PNLIPRP1: variants seen among roughly 807,000 people sequenced by gnomAD.
The protein encoded by PNLIPRP1 is inactive pancreatic lipase-related protein 1.
PNLIPRP1 carries 57 observed loss-of-function variants against 54.6 expected under a neutral mutation model. The ratio of observed to expected loss-of-function variants is 1.04; its 90% confidence interval spans 0.84 to 1.30. The LOEUF is 1.30. Ranked by LOEUF, PNLIPRP1 falls within the 50% of genes most tolerant of loss-of-function variation. PNLIPRP1 has a pLI of 0.00. For missense variants in PNLIPRP1, 567 were observed against 568.5 expected (o/e 1.00, Z 0.03); for synonymous variants, 232 against 208.8 (o/e 1.11, Z -0.96).
intron 8 of PNLIPRP1, among the ~76,000 whole-genome samples, chr10:116,598,868 C>T (rs1554864362): frequency 1.3e-5 from 2 of 152,206 alleles, no homozygotes; most frequent in Non-Finnish European, 2.9e-5. Flanking sequence ...GGAGAAAACC[C>T]TTAGTAGTCT....
At chr10:116,607,805 T>C (rs1490920997) in intron 12 of PNLIPRP1, among the ~76,000 whole-genome samples, 3 of 152,200 alleles carry the variant, frequency 2.0e-5, no homozygotes, top group African/African-American at 7.2e-5. Flanking sequence ...TGTAAGACTT[T>C]TTACATTTAC....
At position 116,594,876 on chromosome 10, in the gene PNLIPRP1, G is replaced by T. The variant is rs1554863741; in HGVS notation, c.465+12G>T. 1 of 1,613,566 alleles carries T rather than the reference G, an allele frequency of 6.2e-7. No homozygotes were observed. Among genetic ancestry groups the T allele is most frequent in the South Asian group, 1.1e-5 (1 of 90,986 alleles). On this transcript the variant is annotated intron_variant, in intron 5 of 12. Transcript: ENST00000358834. ...TCGACATCCTCTTGGTGAGTCAGCTGGCTGGCCTATGTGAGGAGGGAAGCA... is the reference window on the plus strand; with the variant it reads ...TCGACATCCTCTTGGTGAGTCAGCTTGCTGGCCTATGTGAGGAGGGAAGCA...
rs1847763230 is a variant in PNLIPRP1, at chr10:116,597,839, G to A, written c.586G>A (p.Val196Ile). 6.2e-7 allele frequency: 1 copy of A among 1,614,052 alleles called. No homozygotes were observed. The change falls in exon 7 of 13, where the codon GTA becomes ATA. Residue 196 changes from valine (V) to isoleucine (I), a missense_variant. Coordinates refer to ENST00000358834, the MANE Select transcript of PNLIPRP1 (RefSeq NM_006229.4). ...ATCATCTCTTTTAGGGTTGGATCCT[G>A]TAGAAGCAAGTTTCGAGAGTACTCC... is the stretch of plus-strand genomic sequence containing the variant. The part of the protein sequence containing the change: ...GLSRITGLDP[V>I]EASFESTPEE...
chr10:116,605,314 A>T (rs1020590664), intron 11 of PNLIPRP1, 72 bp from the exon 12 acceptor site: 14 of 782,590 alleles, frequency 1.8e-5, no homozygotes, highest in Non-Finnish European at 9.8e-6. Flanking sequence ...AAGAGAAAAC[A>T]GCAGCCTGGC....
intron 9 of PNLIPRP1, among the ~76,000 whole-genome samples, chr10:116,600,780 CT>C (rs1490527025): frequency 6.6e-6 from 1 of 152,172 alleles, no homozygotes; most frequent in Non-Finnish European, 1.5e-5. Flanking sequence ...TGTCCCAGAG[CT>C]TTTGCTGCTT....
rs973257840 is a variant in PNLIPRP1 at position 116,592,223 on chromosome 10, G to A, written c.205-193G>A. 20 of 673,456 alleles carry A rather than the reference G, an allele frequency of 3.0e-5. No homozygotes were observed. In the African/African-American group the frequency reaches 3.1e-4, roughly 10 times the overall value. The allele number at this position is 673,456 out of a possible 1,614,324, so 41.7% of individuals were successfully genotyped here. ...GGTAAAACCTCAAACCACAATCCAG[G>A]CCTAGTGGAAGCAGTGATTACTCAC... On this transcript the variant is annotated intron_variant, in intron 3 of 12. Transcript: ENST00000358834.
At position 116,594,817 on chromosome 10, in the gene PNLIPRP1, G is replaced by T. The variant is rs781794487; in HGVS notation, c.418G>T (p.Val140Leu). 5 of 1,614,126 alleles carry T rather than the reference G, an allele frequency of 3.1e-6. No homozygotes were observed. Among genetic ancestry groups the T allele is most frequent in the Non-Finnish European group, 4.2e-6 (5 of 1,180,042 alleles). ...CACCTACACACAGGCTGCCAACAAC[G>T]TGCGAGTGGTGGGCGCCCAGGTGGC... The part of the protein sequence containing the change: ...QATYTQAANN[V>L]RVVGAQVAQM... The change falls in exon 5 of 13, where the codon GTG (valine) becomes TTG (leucine). Residue 140 changes from valine to leucine, a missense_variant. By Grantham distance (32) the Val-to-Leu change is conservative. Coordinates refer to ENST00000358834, the MANE Select transcript of PNLIPRP1 (RefSeq NM_006229.4).
chr10:116,600,073 C>G lies in PNLIPRP1; in HGVS notation c.841C>G (p.His281Asp). 1.9e-6 allele frequency: 3 copies of G among 1,613,896 alleles called. No homozygotes were observed. The highest frequency in any genetic ancestry group is 2.5e-6 in the Non-Finnish European group (3 of 1,179,812). ...AACCCGGGACTTTGTGGCTTGCAAT[C>G]ACCTAAGAAGCTACAAGTATTACTT... is the stretch of plus-strand genomic sequence containing the variant. The part of the protein sequence containing the change: ...AGTRDFVACN[H>D]LRSYKYYLES... Residue 281 changes from histidine (H) to aspartate (D), a missense_variant, in exon 9 of 13, where the codon CAC becomes GAC. Transcript: ENST00000358834.
chr10:116,592,026 G>A, intron 3 of PNLIPRP1, 101 bp downstream of exon 3: 1 of 1,293,366 alleles, frequency 7.7e-7, no homozygotes, highest in South Asian at 1.3e-5. Flanking sequence ...CCTCCACCAT[G>A]CCCCACCCCA....
chr10:116,600,189 C>T, intron 9 of PNLIPRP1, 24 bp downstream of exon 9: 1 of 1,432,302 alleles, frequency 7.0e-7, no homozygotes. Context: ...CTGCCTCGAG[C>T]AACAAGCATC....
rs189336809 is a variant in PNLIPRP1 at position 116,603,566 on chromosome 10, G to A, written c.1064-464G>A. On this transcript the variant is annotated intron_variant, in intron 10 of 12. Transcript: ENST00000358834. ...TGCTAAATACATACTTCTCCATAAGGCCTTGTTTGATTTGTAGATTAACAA... is the reference window on the plus strand; with the variant it reads ...TGCTAAATACATACTTCTCCATAAGACCTTGTTTGATTTGTAGATTAACAA... Among the ~76,000 whole-genome samples the A allele has an allele frequency of 2.9e-3, 437 of 152,262 alleles. 11 individuals are homozygous for A. The highest frequency in any genetic ancestry group is 0.025 in the Admixed American group (385 of 15,300).
At chr10:116,603,084 T>C (rs1256599454) in intron 10 of PNLIPRP1, among the ~76,000 whole-genome samples, 1 of 152,192 alleles carries the variant, frequency 6.6e-6, no homozygotes, top group East Asian at 1.9e-4. Context: ...CATATGTTTG[T>C]GTATATGTAT....
chr10:116,594,335 G>C, intron 4 of PNLIPRP1: 1 of 518,164 alleles, frequency 1.9e-6, no homozygotes, highest in South Asian at 1.4e-5. Context: ...GCATCGCCAA[G>C]AGCCTGAAAG....
At chr10:116,594,489 G>A in intron 4 of PNLIPRP1, 1 of 582,738 alleles carries the variant, frequency 1.7e-6, no homozygotes, top group South Asian at 1.9e-5. Flanking sequence ...TTTGGTTGAA[G>A]GAAACCAGAG....
intron 10 of PNLIPRP1, 54 bp from the exon 11 acceptor site, chr10:116,603,976 G>A (rs1847892717): frequency 3.0e-6 from 3 of 1,014,286 alleles, no homozygotes; most frequent in Admixed American, 2.0e-5. Flanking sequence ...AGTCTGGGAT[G>A]TAGGCTACTT....
At chr10:116,599,042 G>T (rs553778365) in intron 8 of PNLIPRP1, among the ~76,000 whole-genome samples, 2 of 152,172 alleles carry the variant, frequency 1.3e-5, no homozygotes, top group Admixed American at 1.3e-4. Context: ...ATCACTTGAG[G>T]TCAGGAGTTT....
At chr10:116,592,339 G>A (rs573694924) in intron 3 of PNLIPRP1, 77 bp from the exon 4 acceptor site, 157 of 1,483,372 alleles carry the variant, frequency 1.1e-4, no homozygotes, top group South Asian at 2.4e-4. Flanking sequence ...AGGCATTGGC[G>A]CAGGCGGAGA....
At chr10:116,592,304 C>T in intron 3 of PNLIPRP1, 112 bp from the exon 4 acceptor site, 1 of 1,299,428 alleles carries the variant, frequency 7.7e-7, no homozygotes, top group Non-Finnish European at 1.1e-6. Flanking sequence ...GAAGAAGTGG[C>T]TTTTTGCTAA....
At chr10:116,595,984 C>T in intron 5 of PNLIPRP1, 1 of 470,422 alleles carries the variant, frequency 2.1e-6, no homozygotes, top group Non-Finnish European at 3.8e-6. Flanking sequence ...AGGTGAGAGG[C>T]TATGATGTAT....
Sources: allele counts gnomAD v4.1 joint callset (sites outside exome capture counted in the v4.1 genomes callset), GRCh38; gene constraint gnomAD v4.1.1; transcripts MANE v1.5; gene names NCBI Gene and HGNC (gene_info 2026-07-23, HGNC 2026-07-21).